CAMTA1: variants seen among roughly 807,000 people sequenced by gnomAD.
CAMTA1 encodes calmodulin binding transcription activator 1, also known as calmodulin-binding transcription activator 1.
A neutral mutation model predicts 170.9 loss-of-function variants in CAMTA1; 27 were observed. The ratio of observed to expected loss-of-function variants is 0.16; its 90% CI spans 0.12 to 0.22. The LOEUF is 0.22. Ranked by LOEUF, CAMTA1 falls within the 10% of genes least tolerant of loss-of-function variation. The pLI is 1.00. For synonymous variants in CAMTA1, 833 were observed against 891.5 expected (o/e 0.93, Z 1.17); for missense variants, 1,619 against 2,217.2 (o/e 0.73, Z 5.42).
chr1:6,970,392 G>A lies in CAMTA1; in HGVS notation c.235-120912G>A, dbSNP rs762095830. Among the ~76,000 whole-genome samples, 28 of 152,152 alleles carry A rather than the reference G, an allele frequency of 1.8e-4. No homozygotes were observed. The highest frequency in any genetic ancestry group is 1.8e-4 in the Non-Finnish European group (12 of 68,038). ...TGGAGTGCTCACAGACAGCATTCCA[G>A]GAGGCGGAATGGGTGGCAGGGAGTG... On this transcript the variant is annotated intron_variant, in intron 3 of 22. Transcript: ENST00000303635. The surrounding 1 kb of genome is among the most constrained non-coding windows in gnomAD (Gnocchi z 4.4).
At chr1:7,554,050 A>T (rs1036111382) in intron 6 of CAMTA1, among the ~76,000 whole-genome samples, 3 of 152,190 alleles carry the variant, frequency 2.0e-5, no homozygotes, top group Non-Finnish European at 2.9e-5. Context: ...TGCACACTGC[A>T]GGGAAGTGTC....
At chr1:6,840,670 C>T (rs573964781) in intron 3 of CAMTA1, among the ~76,000 whole-genome samples, 3 of 152,134 alleles carry the variant, frequency 2.0e-5, no homozygotes, top group South Asian at 4.2e-4. Context: ...ATTGGAGAGC[C>T]GTCAATGCGC....
chr1:7,439,834 A>G (rs555893670), intron 5 of CAMTA1, among the ~76,000 whole-genome samples: 1 of 152,358 alleles, frequency 6.6e-6, no homozygotes, highest in South Asian at 2.1e-4. Context: ...AAGCCTGGGT[A>G]TCTGAGGCTG....
chr1:7,743,865 C>T (rs959983632), intron 16 of CAMTA1, among the ~76,000 whole-genome samples: 4 of 149,688 alleles, frequency 2.7e-5, no homozygotes, highest in African/African-American at 4.9e-5. Flanking sequence ...CTTACTCTGT[C>T]GCCCAGGCTG....
At chr1:6,803,044 C>G (rs544611344) in intron 1 of CAMTA1, among the ~76,000 whole-genome samples, 137 of 152,298 alleles carry the variant, frequency 9.0e-4, no homozygotes, top group Non-Finnish European at 1.6e-3. Flanking sequence ...CCACCGTGCC[C>G]GGCCCCAGAA....
Position 7,532,239 on chromosome 1 carries a change from G to C in CAMTA1, c.510+64338G>C, listed in dbSNP as rs183739766. On this transcript the variant is annotated intron_variant, in intron 6 of 22. Coordinates refer to ENST00000303635, the MANE Select transcript of CAMTA1 (RefSeq NM_015215.4). The surrounding 1 kb of genome is among the most constrained non-coding windows in gnomAD (Gnocchi z 4.2). Reference sequence around the variant, plus strand: ...GTGGAGGGGACATTCTTGCACACTAGTGCCCTCAAGTCAGGACTGCCACTC... The same window carrying C: ...GTGGAGGGGACATTCTTGCACACTACTGCCCTCAAGTCAGGACTGCCACTC... Among the ~76,000 whole-genome samples, 146 of 152,292 alleles carry C rather than the reference G, an allele frequency of 9.6e-4. No individual in the cohort carries two copies. The highest frequency in any genetic ancestry group is 3.4e-3 in the Middle Eastern group (1 of 294).
intron 19 of CAMTA1, 124 bp from the exon 20 acceptor site, chr1:7,751,075 A>G (rs1013954116): frequency 1.2e-5 from 10 of 815,536 alleles, no homozygotes; most frequent in African/African-American, 6.9e-5. Flanking sequence ...TAAACCCCGG[A>G]CAGAGAATGT....
intron 6 of CAMTA1, among the ~76,000 whole-genome samples, chr1:7,614,618 A>G (rs1167023014): frequency 6.6e-6 from 1 of 152,086 alleles, no homozygotes; most frequent in African/African-American, 2.4e-5. Flanking sequence ...AACATTCCTC[A>G]CTTGGGAATG....
intron 8 of CAMTA1, among the ~76,000 whole-genome samples, chr1:7,663,099 T>A (rs796558121): frequency 9.9e-5 from 15 of 152,276 alleles, no homozygotes; most frequent in African/African-American, 3.6e-4. Context: ...GAAAAGAGCA[T>A]CAAGGCCAAA....
rs1709072146 is a variant in CAMTA1, at chr1:7,067,228, T to C, written c.235-24076T>C. 6.6e-6 allele frequency among the ~76,000 whole-genome samples: 1 copy of C among 152,178 alleles called. No homozygotes were observed. Among genetic ancestry groups the C allele is most frequent in the Non-Finnish European group, 1.5e-5 (1 of 68,028 alleles). On this transcript the variant is annotated intron_variant, in intron 3 of 22. Coordinates refer to ENST00000303635, the MANE Select transcript of CAMTA1 (RefSeq NM_015215.4). The surrounding 1 kb of genome is among the most constrained non-coding windows in gnomAD (Gnocchi z 4.3). ...TGGCATGGAAAAGGTGGAAGAGTTA[T>C]CTCTGCTTCCTAGGGACGAAGGCCT...
chr1:7,303,227 CA>C (rs1315163031), intron 5 of CAMTA1, among the ~76,000 whole-genome samples: 2 of 152,204 alleles, frequency 1.3e-5, no homozygotes, highest in Admixed American at 6.5e-5. Context: ...GTGCCTAGAG[CA>C]CTCTCTTCCT....
At chr1:7,611,873 C>T (rs2095526173) in intron 6 of CAMTA1, among the ~76,000 whole-genome samples, 1 of 152,210 alleles carries the variant, frequency 6.6e-6, no homozygotes, top group Non-Finnish European at 1.5e-5. Flanking sequence ...CTGACCTGAC[C>T]CACTGAAATG....
chr1:6,864,049 G>A (rs549162111), intron 3 of CAMTA1, among the ~76,000 whole-genome samples: 3 of 152,194 alleles, frequency 2.0e-5, no homozygotes, highest in African/African-American at 7.2e-5. Flanking sequence ...AGACCACAGC[G>A]GCAAAGTACC....
At chr1:6,812,846 T>G (rs1354177033) in intron 1 of CAMTA1, among the ~76,000 whole-genome samples, 1 of 152,254 alleles carries the variant, frequency 6.6e-6, no homozygotes, top group Non-Finnish European at 1.5e-5. Context: ...TGTCAGCCTC[T>G]TAGAACTTGA....
chr1:7,632,314 C>A (rs1338002409), intron 6 of CAMTA1, among the ~76,000 whole-genome samples: 2 of 152,240 alleles, frequency 1.3e-5, no homozygotes, highest in Non-Finnish European at 2.9e-5. Context: ...CCCCGCGCCC[C>A]CAGCGGCAAG....
At chr1:7,033,542 A>G (rs1703095206) in intron 3 of CAMTA1, among the ~76,000 whole-genome samples, 1 of 146,536 alleles carries the variant, frequency 6.8e-6, no homozygotes, top group Non-Finnish European at 1.5e-5. Flanking sequence ...GACATTATGA[A>G]TTTATCATAT....
chr1:7,522,733 A>G (rs1233689900), intron 6 of CAMTA1, among the ~76,000 whole-genome samples: 2 of 152,224 alleles, frequency 1.3e-5, no homozygotes, highest in Non-Finnish European at 2.9e-5. Context: ...GCCTGTGGAT[A>G]TCCAATTGCT....
At chr1:7,661,210 C>T (rs2095953755) in intron 7 of CAMTA1, among the ~76,000 whole-genome samples, 1 of 150,366 alleles carries the variant, frequency 6.7e-6, no homozygotes, top group Non-Finnish European at 1.5e-5. Flanking sequence ...CTGGTGAGGG[C>T]AGGAAGCCAG....
In CAMTA1 at chr1:7,451,409, G is replaced by A. The variant is rs141057354; in HGVS notation, c.439-16421G>A. Among the ~76,000 whole-genome samples, 1,143 of 152,256 alleles carry A rather than the reference G, an allele frequency of 7.5e-3. 9 individuals are homozygous for A. The highest frequency in any genetic ancestry group is 0.012 in the Non-Finnish European group (823 of 68,012). On this transcript the variant is annotated intron_variant, in intron 5 of 22. Transcript: ENST00000303635. ...GCCAGGTGGCCGCCCTCGCCACTGCGGCACTGCCTACGGAGGGTCACAGCT... is the reference window on the plus strand; with the variant it reads ...GCCAGGTGGCCGCCCTCGCCACTGCAGCACTGCCTACGGAGGGTCACAGCT...
Sources: gnomAD v4.1 joint callset for allele counts (sites outside exome capture counted in the v4.1 genomes callset) on GRCh38, gnomAD v4.1.1 for gene constraint, Gnocchi (gnomAD v3.1) non-coding constraint, MANE v1.5 for transcripts, NCBI Gene and HGNC (gene_info 2026-07-23, HGNC 2026-07-21) for gene names.